Variants in PSMD14 observed in about 807,000 individuals in gnomAD.
PSMD14 encodes the protein proteasome 26S subunit, non-ATPase 14.
In PSMD14, 7 loss-of-function variants were observed where a neutral mutation model predicts 41.2. The observed-to-expected ratio is 0.17, with a 90% CI of 0.10 to 0.32. The LOEUF is 0.32. PSMD14 is among the 10% of genes least tolerant of loss of function. The pLI, the probability that PSMD14 is intolerant of heterozygous loss-of-function variation, is 1.00. For synonymous variants in PSMD14, 114 were observed against 122.3 expected (o/e 0.93, Z 0.45); for missense variants, 139 against 375.6 (o/e 0.37, Z 5.21).
intron 6 of PSMD14, 58 bp downstream of exon 6, chr2:161,370,235 C>T (rs991881890): frequency 1.7e-5 from 21 of 1,264,696 alleles, no homozygotes; most frequent in Middle Eastern, 4.4e-4. Flanking sequence ...AGAAACATAC[C>T]TCAAAGTTAT....
intron 4 of PSMD14, 85 bp downstream of exon 4, chr2:161,367,634 C>A: frequency 7.0e-7 from 1 of 1,428,124 alleles, no homozygotes; most frequent in Non-Finnish European, 9.6e-7. Context: ...TCACCTTAAT[C>A]CTCTCAGACA....
intron 7 of PSMD14, among the ~76,000 whole-genome samples, chr2:161,376,467 GT>G (rs750782948): frequency 8.6e-5 from 13 of 152,002 alleles, no homozygotes; most frequent in Admixed American, 2.6e-4. Context: ...GTTTCTGCAA[GT>G]TTTGATAAGA....
At chr2:161,321,717 T>C (rs1458340549) in intron 3 of PSMD14, among the ~76,000 whole-genome samples, 1 of 152,238 alleles carries the variant, frequency 6.6e-6, no homozygotes, top group Admixed American at 6.5e-5. Context: ...AAGAAAGTGC[T>C]GTGCTTATTA....
chr2:161,376,093 A>G (rs915204975), intron 7 of PSMD14, among the ~76,000 whole-genome samples: 2 of 149,336 alleles, frequency 1.3e-5, no homozygotes, highest in Middle Eastern at 3.6e-3. Context: ...TTATATATCT[A>G]TGTATATATA....
chr2:161,405,265 C>A (rs1683933983), intron 10 of PSMD14, among the ~76,000 whole-genome samples: 1 of 152,140 alleles, frequency 6.6e-6, no homozygotes, highest in African/African-American at 2.4e-5. Context: ...CTAATGCATT[C>A]TTTATACTCT....
At chr2:161,331,496 G>T (rs990822819) in intron 3 of PSMD14, among the ~76,000 whole-genome samples, 1 of 152,112 alleles carries the variant, frequency 6.6e-6, no homozygotes, top group Non-Finnish European at 1.5e-5. Flanking sequence ...CTGACCTGGT[G>T]ATCTGCCTGC....
intron 3 of PSMD14, among the ~76,000 whole-genome samples, chr2:161,331,876 T>A (rs533141355): frequency 2.6e-5 from 4 of 152,308 alleles, no homozygotes; most frequent in African/African-American, 9.6e-5. Context: ...CTCACAATGA[T>A]CCTACATGGG....
chr2:161,371,860 TTC>T (rs751475896), intron 7 of PSMD14, among the ~76,000 whole-genome samples: 7 of 152,156 alleles, frequency 4.6e-5, no homozygotes, highest in Non-Finnish European at 7.4e-5. Context: ...TGCTAAATAA[TTC>T]TGAAAACAGA....
intron 3 of PSMD14, among the ~76,000 whole-genome samples, chr2:161,329,970 C>T (rs949124775): frequency 6.6e-6 from 1 of 152,214 alleles, no homozygotes; most frequent in Admixed American, 6.5e-5. Context: ...CATAAATTTT[C>T]CATAGGTACA....
chr2:161,361,333 T>C (rs1683286745), intron 3 of PSMD14, among the ~76,000 whole-genome samples: 1 of 152,172 alleles, frequency 6.6e-6, no homozygotes, highest in Admixed American at 6.5e-5. Flanking sequence ...GTTCATCTAG[T>C]CTCAAGATAT....
intron 3 of PSMD14, 23 bp from the exon 4 acceptor site, chr2:161,367,455 A>G (rs1300929011): frequency 6.5e-7 from 1 of 1,542,202 alleles, no homozygotes; most frequent in Non-Finnish European, 8.8e-7. Context: ...TGTTTTAATA[A>G]TAATTGATGT....
At chr2:161,381,217 A>G (rs1683566762) in intron 7 of PSMD14, 2 of 149,690 alleles carry the variant, frequency 1.3e-5, no homozygotes, top group Admixed American at 1.3e-4. Context: ...GATGAACTGA[A>G]TAATTTTTAT....
chr2:161,344,090 C>G (rs1435323021), intron 3 of PSMD14, among the ~76,000 whole-genome samples: 1 of 143,930 alleles, frequency 6.9e-6, no homozygotes, highest in African/African-American at 2.6e-5. Flanking sequence ...AAATACTAGG[C>G]TATTTTACAT....
At chr2:161,347,915 C>G (rs1683067117) in intron 3 of PSMD14, among the ~76,000 whole-genome samples, 1 of 152,178 alleles carries the variant, frequency 6.6e-6, no homozygotes, top group African/African-American at 2.4e-5. Context: ...AAAAAGCAAA[C>G]AGTGAGCTAC....
intron 9 of PSMD14, among the ~76,000 whole-genome samples, chr2:161,393,404 T>C (rs964291876): frequency 1.3e-5 from 2 of 152,164 alleles, no homozygotes; most frequent in Admixed American, 1.3e-4. Context: ...CATACTGTCC[T>C]TACCCCTGGA....
intron 3 of PSMD14, among the ~76,000 whole-genome samples, chr2:161,334,411 T>C (rs1429035981): frequency 3.9e-5 from 6 of 152,242 alleles, no homozygotes; most frequent in Admixed American, 3.9e-4. Flanking sequence ...CTAAGGTTTG[T>C]GTGTTGTTCT....
At chr2:161,346,507 T>A (rs1272774696) in intron 3 of PSMD14, among the ~76,000 whole-genome samples, 2 of 150,690 alleles carry the variant, frequency 1.3e-5, no homozygotes, top group African/African-American at 2.4e-5. Flanking sequence ...GTGGGCCATA[T>A]TTTTTTTGCT....
At chr2:161,334,745 T>C (rs1296340002) in intron 3 of PSMD14, among the ~76,000 whole-genome samples, 1 of 152,292 alleles carries the variant, frequency 6.6e-6, no homozygotes, top group Non-Finnish European at 1.5e-5. Context: ...TTTTCTTTTT[T>C]TGAAAATAGA....
chr2:161,383,751 G>C (rs529326729), intron 7 of PSMD14: 2 of 151,680 alleles, frequency 1.3e-5, no homozygotes, highest in Non-Finnish European at 3.0e-5. Flanking sequence ...ACTGTTAACA[G>C]TTAGGGTGGC....
Sources: allele counts gnomAD v4.1 joint callset (sites outside exome capture counted in the v4.1 genomes callset), GRCh38; gene constraint gnomAD v4.1.1; transcripts MANE v1.5; gene names NCBI Gene and HGNC (gene_info 2026-07-23, HGNC 2026-07-21).